The following GSG1L variants were observed in gnomAD, a reference collection of about 807,000 sequenced individuals.
GSG1L encodes the protein GSG1 like.
GSG1L carries 24 observed loss-of-function variants against 42.1 expected under a neutral mutation model. The observed-to-expected ratio is 0.57, with a 90% CI of 0.41 to 0.80. The LOEUF (loss-of-function observed/expected upper bound fraction) is 0.80, where lower values mean the gene tolerates loss of function less well. Ranked by LOEUF, GSG1L falls within the 30% of genes least tolerant of loss-of-function variation. GSG1L has a pLI of 0.00. For synonymous variants in GSG1L, 215 were observed against 203.5 expected (o/e 1.06, Z -0.48); for missense variants, 445 against 472.2 (o/e 0.94, Z 0.53).
rs554018208 is a variant in GSG1L at position 27,962,068 on chromosome 16, A to G, written c.397+1088T>C. ...CCAGGCTATCTGAAGAGACATGCATACCTGTTTCACTCTTGGCAGCCTATC... is the reference window on the plus strand; with the variant it reads ...CCAGGCTATCTGAAGAGACATGCATGCCTGTTTCACTCTTGGCAGCCTATC... On this transcript the variant is annotated intron_variant, in intron 2 of 6. Coordinates refer to ENST00000447459, the MANE Select transcript of GSG1L (RefSeq NM_001109763.2). Among the ~76,000 whole-genome samples, 13 of 152,108 alleles carry G rather than the reference A, an allele frequency of 8.5e-5. No individual in the cohort carries two copies. The East Asian group carries it at 2.3e-3, about 27-fold the overall frequency.
chr16:27,802,419 G>C (rs931136246), intron 6 of GSG1L, among the ~76,000 whole-genome samples: 2 of 152,088 alleles, frequency 1.3e-5, no homozygotes, highest in African/African-American at 2.4e-5. Flanking sequence ...TTTGACGTGG[G>C]AGTTCCCAGC....
chr16:27,847,791 C>A (rs926225308), intron 3 of GSG1L, among the ~76,000 whole-genome samples: 4 of 152,208 alleles, frequency 2.6e-5, no homozygotes, highest in African/African-American at 9.7e-5. Context: ...CTCTCTTCCT[C>A]CTTCTCCAGC....
intron 1 of GSG1L, among the ~76,000 whole-genome samples, chr16:27,993,843 A>G (rs1042962311): frequency 6.6e-6 from 1 of 152,208 alleles, no homozygotes; most frequent in African/African-American, 2.4e-5. Flanking sequence ...CCCCTGACAC[A>G]TGTGCAGAAA....
At chr16:27,851,022 G>A (rs2083507815) in intron 3 of GSG1L, among the ~76,000 whole-genome samples, 1 of 152,112 alleles carries the variant, frequency 6.6e-6, no homozygotes, top group Non-Finnish European at 1.5e-5. Context: ...CACGTGGAGA[G>A]GGAGAGATGG....
chr16:27,974,033 C>T (rs1265812144), intron 1 of GSG1L, among the ~76,000 whole-genome samples: 1 of 152,158 alleles, frequency 6.6e-6, no homozygotes, highest in African/African-American at 2.4e-5. Context: ...ATCTGATTCC[C>T]TTTGAGCTGC....
intron 3 of GSG1L, among the ~76,000 whole-genome samples, chr16:27,855,818 T>A (rs1172368608): frequency 6.8e-6 from 1 of 147,624 alleles, no homozygotes; most frequent in Non-Finnish European, 1.5e-5. Flanking sequence ...TAGCAAGAAA[T>A]CACCCTCAAG....
intron 2 of GSG1L, among the ~76,000 whole-genome samples, chr16:27,937,700 G>A (rs1006138965): frequency 1.3e-5 from 2 of 152,156 alleles, no homozygotes; most frequent in African/African-American, 4.8e-5. Context: ...GCGGCTGGTG[G>A]GGGTTTTAGA....
chr16:28,006,905 C>T (rs1027685355), intron 1 of GSG1L, among the ~76,000 whole-genome samples: 3 of 152,064 alleles, frequency 2.0e-5, no homozygotes, highest in Admixed American at 6.6e-5. Context: ...GGAGTGGGAC[C>T]CACACACTGG....
intron 5 of GSG1L, among the ~76,000 whole-genome samples, chr16:27,812,920 C>T (rs533528795): frequency 3.3e-5 from 5 of 152,162 alleles, no homozygotes; most frequent in African/African-American, 9.6e-5. Flanking sequence ...GCTGGGACTA[C>T]GGTCGTGCAC....
At chr16:27,972,792 T>C (rs971556187) in intron 1 of GSG1L, among the ~76,000 whole-genome samples, 1 of 152,226 alleles carries the variant, frequency 6.6e-6, no homozygotes, top group Non-Finnish European at 1.5e-5. Flanking sequence ...CCATATATCT[T>C]AGCGTTTTAA....
At chr16:27,875,867 G>A (rs895455431) in intron 3 of GSG1L, among the ~76,000 whole-genome samples, 9 of 152,106 alleles carry the variant, frequency 5.9e-5, no homozygotes, top group African/African-American at 9.7e-5. Flanking sequence ...CATCCTCTCC[G>A]CATGGAGAGG....
At position 27,868,042 on chromosome 16, in the gene GSG1L, T is replaced by C. The variant is rs555442071; in HGVS notation, c.550+16444A>G. Reference sequence around the variant, plus strand: ...TTATTTCCAATTTTTATTGAACTTATTAAAATTCTTACCTCTTCCCACCTC... The same window carrying C: ...TTATTTCCAATTTTTATTGAACTTACTAAAATTCTTACCTCTTCCCACCTC... On this transcript the variant is annotated intron_variant, in intron 3 of 6. Transcript: ENST00000447459. 1.6e-3 allele frequency among the ~76,000 whole-genome samples: 251 copies of C among 152,382 alleles called. 1 individual carries two copies. The highest frequency in any genetic ancestry group is 5.6e-3 in the African/African-American group (232 of 41,592).
intron 1 of GSG1L, among the ~76,000 whole-genome samples, chr16:27,995,321 C>A (rs957470163): frequency 6.6e-6 from 1 of 152,180 alleles, no homozygotes; most frequent in South Asian, 2.1e-4. Flanking sequence ...TGAAATACAG[C>A]TCACCAAGGA....
intron 2 of GSG1L, among the ~76,000 whole-genome samples, chr16:27,935,598 C>A (rs2084707050): frequency 1.3e-5 from 2 of 152,050 alleles, no homozygotes; most frequent in Admixed American, 1.3e-4. Flanking sequence ...TGCCTCAAGG[C>A]AGCTGTGAAT....
At chr16:27,969,778 C>G (rs534011407) in intron 1 of GSG1L, among the ~76,000 whole-genome samples, 1 of 152,124 alleles carries the variant, frequency 6.6e-6, no homozygotes, top group South Asian at 2.1e-4. Context: ...TGAGAAATTG[C>G]GACACTTTTT....
At chr16:28,023,141 T>C (rs2085863638) in intron 1 of GSG1L, among the ~76,000 whole-genome samples, 1 of 152,212 alleles carries the variant, frequency 6.6e-6, no homozygotes, top group African/African-American at 2.4e-5. Flanking sequence ...TATACATAAT[T>C]CATAATTTTA....
At chr16:27,854,802 C>T (rs937520907) in intron 3 of GSG1L, among the ~76,000 whole-genome samples, 2 of 152,210 alleles carry the variant, frequency 1.3e-5, no homozygotes, top group South Asian at 4.2e-4. Flanking sequence ...TGAGCGTGGG[C>T]CTCTCACCTG....
At chr16:27,928,133 A>AT (rs2141069725) in intron 2 of GSG1L, among the ~76,000 whole-genome samples, 1 of 152,364 alleles carries the variant, frequency 6.6e-6, no homozygotes, top group East Asian at 1.9e-4. Context: ...GCCAGCATTT[A>AT]TCTAGCATAT....
intron 4 of GSG1L, among the ~76,000 whole-genome samples, chr16:27,830,022 C>A (rs1325909431): frequency 6.6e-6 from 1 of 152,108 alleles, no homozygotes; most frequent in African/African-American, 2.4e-5. Context: ...GAGCCCAGCC[C>A]AAACCTGGAG....
Sources: allele counts gnomAD v4.1 joint callset (sites outside exome capture counted in the v4.1 genomes callset), GRCh38; gene constraint gnomAD v4.1.1; transcripts MANE v1.5; gene names NCBI Gene and HGNC (gene_info 2026-07-23, HGNC 2026-07-21).